Variants in NPHS2 observed in about 807,000 individuals in gnomAD.
NPHS2 encodes the protein podocin.
NPHS2 carries 36 observed loss-of-function variants against 37.1 expected under a neutral mutation model. The ratio of observed to expected loss-of-function variants is 0.97; its 90% CI spans 0.74 to 1.28. The LOEUF (loss-of-function observed/expected upper bound fraction) is 1.28. Among genes scored for constraint, NPHS2 ranks in the 50% most tolerant of loss-of-function variants. NPHS2 has a pLI of 0.00. For synonymous variants in NPHS2, 196 were observed against 189.3 expected (o/e 1.04, Z -0.29); for missense variants, 447 against 488.1 (o/e 0.92, Z 0.79).
At position 179,556,016 on chromosome 1, in the gene NPHS2, GACTT is replaced by G. The variant is rs1269687950; in HGVS notation, c.738+1007_738+1010del. The stretch of plus-strand genomic sequence containing the variant: ...GGTTTATTAGGATACATGCATTTTT[GACTT>G]ACGATATTTTTTGCTTTATGATGGT... On this transcript the variant is annotated intron_variant, in intron 5 of 7. Coordinates refer to ENST00000367615, the MANE Select transcript of NPHS2 (RefSeq NM_014625.4). The surrounding 1 kb of genome is among the most constrained non-coding windows in gnomAD (Gnocchi z 4.1). 6.6e-6 allele frequency among the ~76,000 whole-genome samples: 1 copy of G among 152,134 alleles called. No individual in the cohort carries two copies. The highest frequency in any genetic ancestry group is 1.5e-5 in the Non-Finnish European group (1 of 68,024).
chr1:179,567,047 G>C (rs1674361198), intron 1 of NPHS2, among the ~76,000 whole-genome samples: 1 of 152,146 alleles, frequency 6.6e-6, no homozygotes, highest in African/African-American at 2.4e-5. Context: ...TGACAATGTG[G>C]GCTCTTTTTT....
chr1:179,570,437 G>A (rs1393588233), intron 1 of NPHS2, among the ~76,000 whole-genome samples: 1 of 152,220 alleles, frequency 6.6e-6, no homozygotes, highest in South Asian at 2.1e-4. Context: ...GAAAGGAATA[G>A]GTTGGGCTAG....
chr1:179,557,027 C>T lies in NPHS2; in HGVS notation c.738G>A (p.Lys246=), dbSNP rs781071984. The part of the protein sequence containing the change: ...LERKSIAQDA[K]VALDSVTCIW... ...TTGGCCATTATGTTTATCTAAGTAC[C>T]TTTGCATCTTGGGCGATGCTCTTCC... is the stretch of plus-strand genomic sequence containing the variant. Residue 246 remains lysine (K), a splice_region_variant and synonymous_variant, in exon 5 of 8, where the codon AAG becomes AAA. Transcript: ENST00000367615. 1.9e-6 allele frequency: 3 copies of T among 1,610,854 alleles called. No individual in the cohort carries two copies. The highest frequency in any genetic ancestry group is 1.3e-5 in the African/African-American group (1 of 74,942).
intron 2 of NPHS2, among the ~76,000 whole-genome samples, chr1:179,562,702 G>C (rs749429806): frequency 2.3e-4 from 35 of 152,178 alleles, no homozygotes; most frequent in Non-Finnish European, 4.0e-4. Flanking sequence ...ATTTTATGAG[G>C]CCAGAACACT....
intron 2 of NPHS2, 63 bp from the exon 3 acceptor site, chr1:179,561,424 G>T: frequency 8.0e-7 from 1 of 1,245,196 alleles, no homozygotes; most frequent in Non-Finnish European, 1.2e-6. Flanking sequence ...AAAGGCCTTG[G>T]CATAAGAATG....
rs759492815 is a variant in NPHS2 at position 179,575,646 on chromosome 1, G to A, written c.219C>T (p.Ser73=). Residue 73 remains serine (S), a synonymous_variant, in exon 1 of 8, where the codon TCC becomes TCT. Transcript: ENST00000367615. ...CCACCACCTCGGTGCCCTCCTCGCC[G>A]GAGCCTCGGACCTCATCCACGTCCA... The part of the protein sequence containing the change: ...TVVDVDEVRG[S]GEEGTEVVAL... 9 of 1,603,508 alleles carry A rather than the reference G, an allele frequency of 5.6e-6. No individual in the cohort carries two copies. In the Admixed American group the frequency reaches 1.0e-4, roughly 18 times the overall value.
intron 1 of NPHS2, among the ~76,000 whole-genome samples, chr1:179,572,435 TAAATG>T (rs933955130): frequency 2.0e-5 from 3 of 152,184 alleles, no homozygotes; most frequent in Admixed American, 6.5e-5. Context: ...GCTTGGGTGA[TAAATG>T]AAACAATATC....
rs920763732 is a variant in NPHS2 at position 179,551,120 on chromosome 1, A to G, written c.*53T>C. The G allele has an allele frequency of 3.0e-5, 48 of 1,609,764 alleles. No individual in the cohort carries two copies. In the African/African-American group the frequency reaches 5.1e-4, roughly 17 times the overall value. On this transcript the variant is annotated 3_prime_UTR_variant, in exon 8 of 8. Transcript: ENST00000367615. ...TGAGGACAGAGTGTCTCCCTCAGGC[A>G]TGTGACTTTTCTATGGCAGGCCCCT... is the stretch of plus-strand genomic sequence containing the variant.
Position 179,575,869 on chromosome 1 carries a change from A to T in NPHS2, c.-5T>A. 5 of 1,404,506 alleles carry T rather than the reference A, an allele frequency of 3.6e-6. No homozygotes were observed. The highest frequency in any genetic ancestry group is 4.6e-6 in the Non-Finnish European group (5 of 1,087,458). 87.0% of individuals were successfully genotyped at this position (1,404,506 alleles called of 1,614,324 possible). A position where few individuals can be genotyped will look rare whatever the true frequency, so the allele number is the denominator to read the frequency against. On this transcript the variant is annotated 5_prime_UTR_variant, in exon 1 of 8. Coordinates refer to ENST00000367615, the MANE Select transcript of NPHS2 (RefSeq NM_014625.4). ...GCTCCGCGCCCTCCTCTCCATCCTC[A>T]GAGCTGCCGGGCGGCTGGAGCAGCA...
chr1:179,569,727 G>A (rs2101879031), intron 1 of NPHS2, among the ~76,000 whole-genome samples: 1 of 152,270 alleles, frequency 6.6e-6, no homozygotes, highest in South Asian at 2.1e-4. Context: ...GCCCTTGTAA[G>A]GCAGGCCTGG....
At chr1:179,572,543 A>G (rs768262982) in intron 1 of NPHS2, among the ~76,000 whole-genome samples, 5 of 152,210 alleles carry the variant, frequency 3.3e-5, no homozygotes, top group Admixed American at 6.5e-5. Flanking sequence ...GGCACCATAC[A>G]TGTGCTCAAT....
chr1:179,571,055 C>T (rs538281425), intron 1 of NPHS2, among the ~76,000 whole-genome samples: 1 of 152,342 alleles, frequency 6.6e-6, no homozygotes, highest in East Asian at 1.9e-4. Context: ...CTTTCTGAAG[C>T]CTACTTCTGT....
At chr1:179,559,586 C>T in intron 4 of NPHS2, 93 bp downstream of exon 4, 1 of 851,000 alleles carries the variant, frequency 1.2e-6, no homozygotes. Context: ...CATTATTTTT[C>T]TTTCCTATTT....
rs544740855 is a variant in NPHS2, at chr1:179,569,800, G to A, written c.275-5007C>T. On this transcript the variant is annotated intron_variant, in intron 1 of 7. Coordinates refer to ENST00000367615, the MANE Select transcript of NPHS2 (RefSeq NM_014625.4). ...AGGATTTTATTTCTCCTTCCCTTAC[G>A]AAGCTTAGTTTGGCTGGATATGAAA... 9.9e-4 allele frequency among the ~76,000 whole-genome samples: 150 copies of A among 152,190 alleles called. 3 individuals carry two copies. In the South Asian group the frequency reaches 0.03, roughly 30 times the overall value.
At chr1:179,557,441 C>G (rs1343573835) in intron 4 of NPHS2, among the ~76,000 whole-genome samples, 2 of 152,086 alleles carry the variant, frequency 1.3e-5, no homozygotes, top group Non-Finnish European at 2.9e-5. Flanking sequence ...GTGGTAAATC[C>G]TTTTGTAAAA....
intron 6 of NPHS2, among the ~76,000 whole-genome samples, chr1:179,552,954 C>CA (rs919249671): frequency 2.0e-4 from 30 of 152,184 alleles, no homozygotes; most frequent in African/African-American, 6.8e-4. Context: ...GAGCTGTGCT[C>CA]AGTTTTTCCG....
At position 179,551,440 on chromosome 1, in the gene NPHS2, T is replaced by C. The variant is rs146940071; in HGVS notation, c.885A>G (p.Ala295=). 96 of 1,613,426 alleles carry C rather than the reference T, an allele frequency of 6.0e-5. No individual in the cohort carries two copies. In the Middle Eastern group the frequency reaches 1.1e-3, roughly 19 times the overall value. Residue 295 remains alanine, a synonymous_variant, in exon 8 of 8, where the codon GCA becomes GCG. Coordinates refer to ENST00000367615, the MANE Select transcript of NPHS2 (RefSeq NM_014625.4). The part of the protein sequence containing the change: ...QRQAKVRMIA[A]EAEKAASESL... Reference sequence around the variant, plus strand: ...ACTCAGAAGCAGCCTTTTCCGCTTCTGCAGCAATCATCTAGAAAACATGTG... The same window carrying C: ...ACTCAGAAGCAGCCTTTTCCGCTTCCGCAGCAATCATCTAGAAAACATGTG...
intron 1 of NPHS2, among the ~76,000 whole-genome samples, chr1:179,570,932 T>C (rs1465514759): frequency 6.6e-6 from 1 of 152,224 alleles, no homozygotes; most frequent in Non-Finnish European, 1.5e-5. Flanking sequence ...TAAGGTCTTC[T>C]CTATACTGTT....
rs1183481782 is a variant in NPHS2 at position 179,559,752 on chromosome 1, A to G, written c.461T>C (p.Phe154Ser). 9 of 1,582,116 alleles carry G rather than the reference A, an allele frequency of 5.7e-6. No homozygotes were observed. The Admixed American group carries it at 1.6e-4, about 28-fold the overall frequency. ...PGRAKGPGLF[F>S]FLPCLDTYHK... The stretch of plus-strand genomic sequence containing the variant: ...GTAGGTATCCAGGCAGGGCAAAAAA[A>G]AGAAAAGACCTAAAAGAGAGGAGGA... Residue 154 changes from phenylalanine (F) to serine (S), a missense_variant, in exon 4 of 8, where the codon TTT becomes TCT. Transcript: ENST00000367615.
Sources: allele counts gnomAD v4.1 joint callset (sites outside exome capture counted in the v4.1 genomes callset), GRCh38; gene constraint gnomAD v4.1.1; non-coding constraint Gnocchi (gnomAD v3.1); transcripts MANE v1.5; gene names NCBI Gene and HGNC (gene_info 2026-07-23, HGNC 2026-07-21).